The following TENM3 variants were observed in gnomAD, a reference collection of about 807,000 sequenced individuals.
TENM3 encodes teneurin-3.
Under a neutral mutation model 255.1 loss-of-function variants are expected in TENM3, and 63 were observed. The observed-to-expected ratio is 0.25, with a 90% CI of 0.20 to 0.30. The LOEUF (loss-of-function observed/expected upper bound fraction) is 0.30, where lower values mean the gene tolerates loss of function less well. Ranked by LOEUF, TENM3 falls within the 10% of genes least tolerant of loss-of-function variation. The pLI, the probability that TENM3 is intolerant of heterozygous loss-of-function variation, is 1.00. For synonymous variants in TENM3, 1,306 were observed against 1,322.3 expected (o/e 0.99, Z 0.27); for missense variants, 2,929 against 3,461.1 (o/e 0.85, Z 3.86).
chr4:182,067,895 T>C, the TENM3 span, among the ~76,000 whole-genome samples: 2 of 152,204 alleles, frequency 1.3e-5, no homozygotes, highest in South Asian at 4.1e-4. Context: ...ATTTTTTTTT[T>C]CCAGTGCAGT....
intron 22 of TENM3, among the ~76,000 whole-genome samples, chr4:182,759,380 C>T (rs999557848): frequency 6.6e-6 from 1 of 152,150 alleles, no homozygotes; most frequent in Non-Finnish European, 1.5e-5. Context: ...TGGCATTTGC[C>T]AACGCTCCAC....
At chr4:182,521,339 G>A (rs1738551293) in intron 3 of TENM3, among the ~76,000 whole-genome samples, 1 of 152,216 alleles carries the variant, frequency 6.6e-6, no homozygotes, top group Non-Finnish European at 1.5e-5. Context: ...CCTGAGGGAA[G>A]TCTCACACTG....
the TENM3 span, among the ~76,000 whole-genome samples, chr4:182,092,804 A>G: frequency 6.6e-6 from 1 of 152,234 alleles, no homozygotes. Context: ...ATATTAATGT[A>G]GTTCACTAAA....
At chr4:181,534,615 C>T in the TENM3 span, among the ~76,000 whole-genome samples, 1 of 152,132 alleles carries the variant, frequency 6.6e-6, no homozygotes, top group Non-Finnish European at 1.5e-5. Context: ...GGAAAACTTT[C>T]CGGACTGCCC....
chr4:182,634,391 C>T (rs1751665413), intron 5 of TENM3, among the ~76,000 whole-genome samples: 1 of 152,108 alleles, frequency 6.6e-6, no homozygotes, highest in South Asian at 2.1e-4. Flanking sequence ...GAAACCTTAG[C>T]TGACTCATGA....
At chr4:182,573,212 C>T (rs944472347) in intron 3 of TENM3, among the ~76,000 whole-genome samples, 1 of 152,094 alleles carries the variant, frequency 6.6e-6, no homozygotes, top group African/African-American at 2.4e-5. Context: ...TCAGCATTGT[C>T]AGGATTTGAG....
chr4:182,700,929 TCTTTAA>T (rs761089462), intron 12 of TENM3, among the ~76,000 whole-genome samples: 13 of 152,094 alleles, frequency 8.5e-5, no homozygotes, highest in African/African-American at 1.2e-4. Flanking sequence ...TTTAAAAAAG[TCTTTAA>T]CTTTAAGCAT....
At chr4:182,360,026 C>T (rs965454270) in intron 3 of TENM3, among the ~76,000 whole-genome samples, 9 of 152,090 alleles carry the variant, frequency 5.9e-5, no homozygotes, top group Admixed American at 3.3e-4. Context: ...TGGAGTTGAG[C>T]GGTTTTGAGT....
chr4:181,542,616 G>T, the TENM3 span, among the ~76,000 whole-genome samples: 1 of 152,018 alleles, frequency 6.6e-6, no homozygotes, highest in African/African-American at 2.4e-5. Context: ...ATTGGATGAG[G>T]TATGTTATAG....
the TENM3 span, among the ~76,000 whole-genome samples, chr4:181,734,095 T>C: frequency 6.6e-6 from 1 of 152,182 alleles, no homozygotes; most frequent in African/African-American, 2.4e-5. Context: ...AATCATCTTA[T>C]GTGGCAAATC....
At chr4:182,728,809 C>T (rs1367118525) in intron 13 of TENM3, among the ~76,000 whole-genome samples, 156 bp from the exon 14 acceptor site, 1 of 151,446 alleles carries the variant, frequency 6.6e-6, no homozygotes, top group Non-Finnish European at 1.5e-5. Context: ...TCTATTTCTT[C>T]TGGTTTCAAA....
At chr4:182,304,473 A>G (rs1423376241) in intron 1 of TENM3, among the ~76,000 whole-genome samples, 1 of 152,132 alleles carries the variant, frequency 6.6e-6, no homozygotes, top group Non-Finnish European at 1.5e-5. Context: ...CGGCCTCCCT[A>G]AGTAATGGGA....
chr4:182,729,583 G>A (rs1326645630), intron 14 of TENM3, among the ~76,000 whole-genome samples: 4 of 152,092 alleles, frequency 2.6e-5, no homozygotes, highest in African/African-American at 9.7e-5. Context: ...TGACGGCATG[G>A]CAGTAAGATT....
At chr4:181,771,997 T>G in the TENM3 span, among the ~76,000 whole-genome samples, 1 of 152,238 alleles carries the variant, frequency 6.6e-6, no homozygotes, top group Non-Finnish European at 1.5e-5. Context: ...CTGAGATTTT[T>G]TTTAAAGATC....
intron 1 of TENM3, among the ~76,000 whole-genome samples, chr4:182,168,023 G>A (rs1015570602): frequency 2.0e-5 from 3 of 152,080 alleles, no homozygotes; most frequent in South Asian, 2.1e-4. Flanking sequence ...TGTTCATCCC[G>A]TCACACCTCT....
At chr4:181,457,131 T>G in the TENM3 span, among the ~76,000 whole-genome samples, 1 of 151,982 alleles carries the variant, frequency 6.6e-6, no homozygotes, top group African/African-American at 2.4e-5. Flanking sequence ...AGGGAGAGTT[T>G]ATTCTAAGTT....
the TENM3 span, among the ~76,000 whole-genome samples, chr4:182,022,522 C>G: frequency 2.1e-5 from 3 of 141,640 alleles, no homozygotes; most frequent in Admixed American, 7.2e-5. Context: ...GCACATGTAT[C>G]CCCTGAATAA....
chr4:181,448,199 C>T, the TENM3 span, among the ~76,000 whole-genome samples: 15,459 of 118,628 alleles, frequency 0.13, 1,069 homozygotes, highest in Middle Eastern at 0.32. Flanking sequence ...CGGAGTCTCG[C>T]TCTGTCGCCC....
the TENM3 span, among the ~76,000 whole-genome samples, chr4:181,965,794 T>C: frequency 2.0e-5 from 3 of 152,202 alleles, no homozygotes; most frequent in African/African-American, 7.2e-5. Flanking sequence ...ATTCAGAATA[T>C]TTTTAAAAGA....
Sources: gnomAD v4.1 joint callset for allele counts (sites outside exome capture counted in the v4.1 genomes callset) on GRCh38, gnomAD v4.1.1 for gene constraint, MANE v1.5 for transcripts, NCBI Gene and HGNC (gene_info 2026-07-23, HGNC 2026-07-21) for gene names.